ANKRD30BL: variants seen among roughly 807,000 people sequenced by gnomAD.
The protein encoded by ANKRD30BL is ankyrin repeat domain 30B like.
ANKRD30BL carries 20 observed loss-of-function variants against 18.4 expected under a neutral mutation model. The ratio of observed to expected loss-of-function variants is 1.09; its 90% confidence interval spans 0.77 to 1.58. The LOEUF (loss-of-function observed/expected upper bound fraction) is 1.58. Ranked by LOEUF, ANKRD30BL falls within the 40% of genes most tolerant of loss-of-function variation. ANKRD30BL has a pLI of 0.00. For missense variants in ANKRD30BL, 224 were observed against 268.6 expected (o/e 0.83, Z 1.16); for synonymous variants, 72 against 100.9 (o/e 0.71, Z 1.72).
chr2:132,221,930 C>T (rs1347143691), intron 1 of ANKRD30BL, among the ~76,000 whole-genome samples: 1 of 129,740 alleles, frequency 7.7e-6, no homozygotes, highest in Non-Finnish European at 1.6e-5. Flanking sequence ...GGGATCAGCC[C>T]CCCGCCTGGC....
At chr2:132,199,965 C>T (rs1219659022) in intron 1 of ANKRD30BL, among the ~76,000 whole-genome samples, 3 of 152,090 alleles carry the variant, frequency 2.0e-5, no homozygotes, top group African/African-American at 2.4e-5. Context: ...TTATCCAACA[C>T]GATCAAGTGG....
intron 1 of ANKRD30BL, among the ~76,000 whole-genome samples, chr2:132,250,359 G>A (rs74714491): frequency 3.3e-5 from 5 of 152,088 alleles, no homozygotes; most frequent in South Asian, 2.1e-4. Flanking sequence ...GCCTCAAAGC[G>A]CTCATAAATA....
chr2:132,219,742 GAGC>G (rs912599646), intron 1 of ANKRD30BL, among the ~76,000 whole-genome samples: 1 of 152,000 alleles, frequency 6.6e-6, no homozygotes. Flanking sequence ...TTTTTTGATA[GAGC>G]AGTTTTGAAA....
chr2:132,152,077 C>G (rs1330003423), intron 4 of ANKRD30BL: 1 of 152,196 alleles, frequency 6.6e-6, no homozygotes, highest in Non-Finnish European at 1.5e-5. Context: ...ATATTGCACA[C>G]AAGATCCTAT....
intron 1 of ANKRD30BL, among the ~76,000 whole-genome samples, chr2:132,175,930 C>A (rs1688361023): frequency 6.6e-6 from 1 of 152,142 alleles, no homozygotes; most frequent in Admixed American, 6.6e-5. Flanking sequence ...TACAGATTAA[C>A]AGCATCTCAG....
At chr2:132,231,558 G>A (rs111735957) in intron 1 of ANKRD30BL, among the ~76,000 whole-genome samples, 3 of 152,164 alleles carry the variant, frequency 2.0e-5, no homozygotes, top group South Asian at 2.1e-4. Flanking sequence ...TTCCCTTTCC[G>A]AGTCAAAGAA....
upstream of ANKRD30BL, among the ~76,000 whole-genome samples, chr2:132,164,641 G>C (rs1305042981): frequency 1.3e-5 from 2 of 152,140 alleles, no homozygotes; most frequent in Admixed American, 6.5e-5. Context: ...ACTCCCTAGA[G>C]TGAAGTGGCT....
At chr2:132,167,449 A>C (rs1277621029) in intron 1 of ANKRD30BL, among the ~76,000 whole-genome samples, 1 of 151,970 alleles carries the variant, frequency 6.6e-6, no homozygotes, top group Non-Finnish European at 1.5e-5. Context: ...CTCAGCCCAG[A>C]GTAGCTGGGA....
At chr2:132,206,200 G>A (rs997802490) in intron 1 of ANKRD30BL, among the ~76,000 whole-genome samples, 2 of 151,828 alleles carry the variant, frequency 1.3e-5, no homozygotes, top group Non-Finnish European at 2.9e-5. Context: ...AAGGACGGAA[G>A]GGATTTTAAA....
intron 1 of ANKRD30BL, among the ~76,000 whole-genome samples, chr2:132,167,532 G>A (rs1398856718): frequency 1.3e-5 from 2 of 151,812 alleles, no homozygotes; most frequent in East Asian, 1.9e-4. Context: ...CATGTTGGTC[G>A]GGCTAGCCTC....
chr2:132,255,215 C>G (rs530703844), intron 1 of ANKRD30BL, among the ~76,000 whole-genome samples: 1 of 152,198 alleles, frequency 6.6e-6, no homozygotes, highest in African/African-American at 2.4e-5. Context: ...CAAATGCTTT[C>G]GCTCTGGTCT....
intron 1 of ANKRD30BL, among the ~76,000 whole-genome samples, chr2:132,236,036 A>G (rs1361053714): frequency 6.6e-6 from 1 of 152,122 alleles, no homozygotes; most frequent in Non-Finnish European, 1.5e-5. Flanking sequence ...ATAATGCCAC[A>G]TATCCACAAC....
At chr2:132,221,514 C>T (rs1275358739) in intron 1 of ANKRD30BL, among the ~76,000 whole-genome samples, 1 of 130,010 alleles carries the variant, frequency 7.7e-6, no homozygotes, top group Non-Finnish European at 1.6e-5. Context: ...AGCCCCTCTG[C>T]CTGGCCAGCC....
At chr2:132,191,916 GTA>G (rs1454653002) in intron 1 of ANKRD30BL, among the ~76,000 whole-genome samples, 1 of 151,260 alleles carries the variant, frequency 6.6e-6, no homozygotes, top group Non-Finnish European at 1.5e-5. Flanking sequence ...TAATTTTTTT[GTA>G]TATTTTTAGT....
intron 1 of ANKRD30BL, among the ~76,000 whole-genome samples, chr2:132,251,567 T>G (rs1680649956): frequency 6.6e-6 from 1 of 152,194 alleles, no homozygotes; most frequent in African/African-American, 2.4e-5. Context: ...CAACATCGTA[T>G]TTTTAAAGGG....
intron 1 of ANKRD30BL, among the ~76,000 whole-genome samples, chr2:132,242,364 A>C (rs186792054): frequency 1.3e-5 from 2 of 151,448 alleles, no homozygotes; most frequent in South Asian, 4.2e-4. Context: ...GGAAACGGGA[A>C]TATCTTCAAA....
At chr2:132,229,903 G>A (rs996054380) in intron 1 of ANKRD30BL, among the ~76,000 whole-genome samples, 5 of 151,954 alleles carry the variant, frequency 3.3e-5, no homozygotes, top group East Asian at 1.9e-4. Context: ...CACTCTGTTC[G>A]CAGTATCTGC....
intron 1 of ANKRD30BL, among the ~76,000 whole-genome samples, chr2:132,216,739 A>G (rs1348551663): frequency 1.3e-5 from 2 of 151,974 alleles, no homozygotes; most frequent in Non-Finnish European, 2.9e-5. Flanking sequence ...CTTCATTGGA[A>G]TCGGGTACAT....
At position 132,238,024 on chromosome 2, in the gene ANKRD30BL, A is replaced by G. The variant is rs1680208765; in HGVS notation, n.441+19505T>C. On this transcript the variant is annotated intron_variant and non_coding_transcript_variant, in intron 1 of 4. Coordinates refer to the ANKRD30BL transcript ENST00000470729. ...TTTGTGCTGCTTGCATTCAAATCAC[A>G]GATTCGAACATTCCGTTTCATAGAA... Among the ~76,000 whole-genome samples, 3 of 152,176 alleles carry G rather than the reference A, an allele frequency of 2.0e-5. No homozygotes were observed. In the South Asian group the frequency reaches 6.2e-4, roughly 32 times the overall value.
Sources: gnomAD v4.1 joint callset for allele counts (sites outside exome capture counted in the v4.1 genomes callset) on GRCh38, gnomAD v4.1.1 for gene constraint, MANE v1.5 for transcripts, NCBI Gene and HGNC (gene_info 2026-07-23, HGNC 2026-07-21) for gene names.